The following RBFOX1 variants were observed in gnomAD, a reference collection of about 807,000 sequenced individuals.
RBFOX1 encodes RNA binding protein fox-1 homolog 1.
In RBFOX1, 8 loss-of-function variants were observed where a neutral mutation model predicts 57.7. That is an observed-to-expected ratio of 0.14 (90% confidence interval 0.08 to 0.25). The LOEUF is 0.25. Ranked by LOEUF, RBFOX1 falls within the 10% of genes least tolerant of loss-of-function variation. RBFOX1 has a pLI of 1.00. For synonymous variants in RBFOX1, 326 were observed against 222.4 expected (o/e 1.47, Z -4.15); for missense variants, 611 against 548.5 (o/e 1.11, Z -1.14).
At chr16:6,518,171 G>C (rs1037664025) in intron 2 of RBFOX1, among the ~76,000 whole-genome samples, 1 of 152,286 alleles carries the variant, frequency 6.6e-6, no homozygotes. Flanking sequence ...TTAATAGCCT[G>C]CCCTGTGGTT....
intron 3 of RBFOX1, among the ~76,000 whole-genome samples, chr16:6,683,643 A>G (rs1269724058): frequency 1.3e-5 from 2 of 152,220 alleles, no homozygotes; most frequent in African/African-American, 4.8e-5. Flanking sequence ...TGCATAGACC[A>G]AATGGCTCAT....
intron 2 of RBFOX1, among the ~76,000 whole-genome samples, chr16:5,532,924 A>G (rs997794384): frequency 6.6e-6 from 1 of 151,180 alleles, no homozygotes; most frequent in African/African-American, 2.4e-5. Context: ...GAGATCTCAC[A>G]TTAGTGATTT....
intron 10 of RBFOX1, among the ~76,000 whole-genome samples, chr16:7,625,997 A>G (rs1271666642): frequency 6.6e-6 from 1 of 152,200 alleles, no homozygotes; most frequent in Non-Finnish European, 1.5e-5. Context: ...ACACAACACA[A>G]TTTTAAAAAG....
chr16:7,402,243 A>T (rs2098256866), intron 4 of RBFOX1, among the ~76,000 whole-genome samples: 1 of 152,148 alleles, frequency 6.6e-6, no homozygotes, highest in South Asian at 2.1e-4. Context: ...CCTGTAAGGG[A>T]GGGTCAACTA....
At chr16:6,412,440 T>A (rs1167996501) in intron 2 of RBFOX1, among the ~76,000 whole-genome samples, 1 of 152,208 alleles carries the variant, frequency 6.6e-6, no homozygotes, top group East Asian at 1.9e-4. Context: ...GTTTGTTCAA[T>A]TCACACTATT....
At position 6,815,018 on chromosome 16, in the gene RBFOX1, G is replaced by C. The variant is rs374080855; in HGVS notation, c.-16+160368G>C. 4.6e-5 allele frequency among the ~76,000 whole-genome samples: 7 copies of C among 152,276 alleles called. No homozygotes were observed. In the South Asian group the frequency reaches 1.2e-3, roughly 27 times the overall value. On this transcript the variant is annotated intron_variant, in intron 3 of 15. Coordinates refer to ENST00000550418, the MANE Select transcript of RBFOX1 (RefSeq NM_018723.4). ...CTGCTCATCCTTATCATTACTTCTTGATTATATGCTAAACAAGGGATGGAT... is the reference window on the plus strand; with the variant it reads ...CTGCTCATCCTTATCATTACTTCTTCATTATATGCTAAACAAGGGATGGAT...
At chr16:5,317,636 A>G (rs1919064) in intron 1 of RBFOX1, among the ~76,000 whole-genome samples, 121,737 of 152,076 alleles carry the variant, frequency 0.8, 49,815 homozygotes, top group South Asian at 0.9. Context: ...AAAGCGAACA[A>G]AAAGAAAAAG....
chr16:7,391,426 G>A (rs932178660), intron 4 of RBFOX1, among the ~76,000 whole-genome samples: 2 of 152,154 alleles, frequency 1.3e-5, no homozygotes, highest in African/African-American at 2.4e-5. Context: ...GTTTCTCACC[G>A]CAAGAGCTCT....
intron 3 of RBFOX1, among the ~76,000 whole-genome samples, chr16:6,736,657 T>A (rs1384200411): frequency 6.6e-6 from 1 of 152,230 alleles, no homozygotes; most frequent in Non-Finnish European, 1.5e-5. Flanking sequence ...TGACATCTTT[T>A]CATCTGGGTA....
intron 4 of RBFOX1, among the ~76,000 whole-genome samples, chr16:7,451,264 C>G (rs370202998): frequency 6.6e-6 from 1 of 152,290 alleles, no homozygotes; most frequent in East Asian, 1.9e-4. Flanking sequence ...TGAGCTTTTG[C>G]TATGTACTTA....
chr16:7,077,430 C>T (rs2058480056), intron 4 of RBFOX1, among the ~76,000 whole-genome samples: 2 of 152,144 alleles, frequency 1.3e-5, no homozygotes, highest in African/African-American at 4.8e-5. Context: ...CATTTATTAG[C>T]ATCAAAAGCA....
chr16:6,265,241 G>C (rs1041486508), intron 1 of RBFOX1, among the ~76,000 whole-genome samples: 3 of 150,896 alleles, frequency 2.0e-5, no homozygotes, highest in African/African-American at 7.3e-5. Flanking sequence ...TTTTTTTTTT[G>C]ACATTTTGTT....
chr16:6,595,707 G>A (rs6500803), intron 2 of RBFOX1, among the ~76,000 whole-genome samples: 1 of 152,068 alleles, frequency 6.6e-6, no homozygotes, highest in African/African-American at 2.4e-5. Flanking sequence ...TGTCCACATC[G>A]TCACGAATAC....
chr16:6,928,139 G>C (rs1235214059), intron 3 of RBFOX1, among the ~76,000 whole-genome samples: 2 of 152,148 alleles, frequency 1.3e-5, no homozygotes, highest in East Asian at 3.9e-4. Context: ...CTTAGTGTGT[G>C]TGATTGGGGT....
At chr16:6,489,776 C>G (rs1162273089) in intron 2 of RBFOX1, among the ~76,000 whole-genome samples, 1 of 152,150 alleles carries the variant, frequency 6.6e-6, no homozygotes, top group Non-Finnish European at 1.5e-5. Context: ...TCACCTGGGT[C>G]AGGAGGTCTT....
intron 3 of RBFOX1, among the ~76,000 whole-genome samples, chr16:6,999,092 C>A (rs1196514555): frequency 3.3e-5 from 5 of 150,656 alleles, no homozygotes; most frequent in African/African-American, 1.2e-4. Context: ...TGGTCTTGAA[C>A]TCCTGACTTC....
chr16:6,984,735 G>C (rs987784003), intron 3 of RBFOX1, among the ~76,000 whole-genome samples: 9 of 152,058 alleles, frequency 5.9e-5, no homozygotes, highest in Non-Finnish European at 5.9e-5. Context: ...CTGCCTCCCA[G>C]GTTCATGAAA....
chr16:5,832,056 A>G (rs111751537), intron 3 of RBFOX1, among the ~76,000 whole-genome samples: 3,460 of 152,286 alleles, frequency 0.023, 127 homozygotes, highest in African/African-American at 0.079. Context: ...GCATCAGACC[A>G]TGATTCAGGA....
At chr16:6,142,245 G>A (rs1256717303) in intron 1 of RBFOX1, among the ~76,000 whole-genome samples, 3 of 132,236 alleles carry the variant, frequency 2.3e-5, no homozygotes, top group Non-Finnish European at 4.7e-5. Context: ...TTTTGGAGAC[G>A]GAGTCTTGCT....
Sources: allele counts gnomAD v4.1 joint callset (sites outside exome capture counted in the v4.1 genomes callset), GRCh38; gene constraint gnomAD v4.1.1; transcripts MANE v1.5; gene names NCBI Gene and HGNC (gene_info 2026-07-23, HGNC 2026-07-21).